Variants in NIBAN2 observed in about 807,000 individuals in gnomAD.
NIBAN2 encodes niban apoptosis regulator 2, also known as protein Niban 2.
In NIBAN2, 36 loss-of-function variants were observed where a neutral mutation model predicts 81.8. The ratio of observed to expected loss-of-function variants is 0.44; its 90% CI spans 0.34 to 0.58. The LOEUF (loss-of-function observed/expected upper bound fraction) is 0.58, where lower values mean the gene tolerates loss of function less well. Among genes scored for constraint, NIBAN2 ranks in the 20% least tolerant of loss-of-function variants. The probability of loss-of-function intolerance (pLI) is 0.02; values close to 1 mark genes in which losing one functional copy is unlikely to be tolerated. For missense variants in NIBAN2, 897 were observed against 1,014.1 expected (o/e 0.88, Z 1.57); for synonymous variants, 445 against 441.6 (o/e 1.01, Z -0.10).
intron 1 of NIBAN2, among the ~76,000 whole-genome samples, chr9:127,565,946 T>TCTCTCTCTCACACACACACA (rs751937125): frequency 1.1e-4 from 14 of 130,618 alleles, no homozygotes; most frequent in African/African-American, 4.5e-4. Flanking sequence ...TCTCTCTCTC[T>TCTCTCTCTCACACACACACA]CACACACACA....
intron 1 of NIBAN2, among the ~76,000 whole-genome samples, chr9:127,549,188 G>A (rs759709603): frequency 2.6e-5 from 4 of 152,126 alleles, no homozygotes; most frequent in East Asian, 3.9e-4. Context: ...GACTAAACTC[G>A]GATACACAAA....
At chr9:127,510,395 G>A in intron 8 of NIBAN2, 62 bp from the exon 9 acceptor site, 1 of 1,320,818 alleles carries the variant, frequency 7.6e-7, no homozygotes, top group South Asian at 1.4e-5. Flanking sequence ...AGCCATCCCA[G>A]AGCCCAGGTG....
intron 1 of NIBAN2, among the ~76,000 whole-genome samples, chr9:127,554,752 G>C (rs974881473): frequency 1.3e-5 from 2 of 151,104 alleles, no homozygotes; most frequent in Non-Finnish European, 3.0e-5. Flanking sequence ...GTAGAGACGG[G>C]GGGTGGGGGT....
At position 127,523,814 on chromosome 9, in the gene NIBAN2, G is replaced by C; in HGVS notation, c.454C>G (p.Leu152Val). The C allele has an allele frequency of 6.2e-7, 1 of 1,613,074 alleles. No individual in the cohort carries two copies. Among genetic ancestry groups the C allele is most frequent in the South Asian group, 1.1e-5 (1 of 91,066 alleles). ...AGCGGGAACTGTGTGGGGCACTTGAGGATGGGGGCACTGCCCGACTTTGCC... is the reference window on the plus strand; with the variant it reads ...AGCGGGAACTGTGTGGGGCACTTGACGATGGGGGCACTGCCCGACTTTGCC... ...TTAKSGSAPI[L>V]KCPTQFPLIL... The change falls in exon 5 of 14, where the codon CTC becomes GTC. Residue 152 changes from leucine (L) to valine (V), a missense_variant. Physicochemically the swap from Leu to Val is conservative, Grantham distance 32. This residue lies in a region of NIBAN2 where 209 missense variants were observed against 208.4 expected (regional missense o/e 1.00). Coordinates refer to ENST00000373312, the MANE Select transcript of NIBAN2 (RefSeq NM_022833.4).
chr9:127,551,721 A>C (rs1165385769), intron 1 of NIBAN2, among the ~76,000 whole-genome samples: 4 of 152,018 alleles, frequency 2.6e-5, no homozygotes, highest in Non-Finnish European at 5.9e-5. Flanking sequence ...ATCTTAAAAA[A>C]AAAAGAAAGA....
Position 127,527,194 on chromosome 9 carries a change from C to T in NIBAN2, c.315G>A (p.Ala105=), listed in dbSNP as rs372753355. 1,197 of 1,613,116 alleles carry T rather than the reference C, an allele frequency of 7.4e-4. 12 individuals carry two copies. The South Asian group carries it at 0.012, about 17-fold the overall frequency. Residue 105 remains alanine, a splice_region_variant and synonymous_variant, in exon 3 of 14, where the codon GCG becomes GCA. Transcript: ENST00000373312. ...NYGLVLYENK[A]AYERQVPPRA... is the part of the protein sequence containing the mutation. Reference sequence around the variant, plus strand: ...TGTGGCGCCCGGGGCCAGGCCTCACCGCTTTGTTTTCGTAGAGCACCAGCC... The same window carrying T: ...TGTGGCGCCCGGGGCCAGGCCTCACTGCTTTGTTTTCGTAGAGCACCAGCC...
intron 1 of NIBAN2, among the ~76,000 whole-genome samples, chr9:127,549,495 C>T (rs746852462): frequency 6.6e-5 from 10 of 152,186 alleles, no homozygotes; most frequent in Non-Finnish European, 1.2e-4. Flanking sequence ...ACTCACACAC[C>T]GTGCATCCAC....
rs1279097223 is a variant in NIBAN2 at position 127,536,109 on chromosome 9, C to A, written c.56-4331G>T. On this transcript the variant is annotated intron_variant, in intron 1 of 13. Transcript: ENST00000373312. The surrounding 1 kb of genome is among the most constrained non-coding windows in gnomAD (Gnocchi z 4.0). Reference sequence around the variant, plus strand: ...CGGATGGCTCCTTGGCAGGGGTAGCCCCGAGCACATTCTTGAGAGATGTCC... The same window carrying A: ...CGGATGGCTCCTTGGCAGGGGTAGCACCGAGCACATTCTTGAGAGATGTCC... Among the ~76,000 whole-genome samples the A allele has an allele frequency of 2.0e-5, 3 of 152,124 alleles. No homozygotes were observed. The highest frequency in any genetic ancestry group is 4.4e-5 in the Non-Finnish European group (3 of 68,036).
chr9:127,536,983 G>A lies in NIBAN2; in HGVS notation c.56-5205C>T, dbSNP rs887896507. ...TTCTGTGAGCTACAGAGAGGCTGGG[G>A]TGGGGTGGTGTGAAGGTGTGTGCCA... On this transcript the variant is annotated intron_variant, in intron 1 of 13. Transcript: ENST00000373312. The surrounding 1 kb of genome is among the most constrained non-coding windows in gnomAD (Gnocchi z 4.0). 1.3e-5 allele frequency among the ~76,000 whole-genome samples: 2 copies of A among 152,230 alleles called. No homozygotes were observed. Among genetic ancestry groups the A allele is most frequent in the African/African-American group, 4.8e-5 (2 of 41,460 alleles).
upstream of NIBAN2, among the ~76,000 whole-genome samples, chr9:127,572,241 T>G (rs1195835387): frequency 6.6e-6 from 1 of 152,164 alleles, no homozygotes; most frequent in Non-Finnish European, 1.5e-5. Context: ...CTCCAACTCC[T>G]GAGCTCAAGG....
rs1836709768 is a variant in NIBAN2, at chr9:127,510,269, G to A, written c.1038C>T (p.Ile346=). The change falls in exon 9 of 14, where the codon ATC becomes ATT. Residue 346 remains isoleucine, a synonymous_variant. Transcript: ENST00000373312. ...RNHVQPYIPS[I]LEALMVPTSQ... ...TGGTGGGGACCATCAGGGCCTCCAG[G>A]ATGGATGGGATGTAGGGCTGGACAT... 1 of 1,613,972 alleles carries A rather than the reference G, an allele frequency of 6.2e-7. No individual in the cohort carries two copies. Among genetic ancestry groups the A allele is most frequent in the Admixed American group, 1.7e-5 (1 of 60,004 alleles).
In NIBAN2 at chr9:127,531,719, C is replaced by T. The variant is rs1213272894; in HGVS notation, c.115G>A (p.Ala39Thr). 3.7e-6 allele frequency: 6 copies of T among 1,614,034 alleles called. No individual in the cohort carries two copies. The Admixed American group carries it at 1.0e-4, about 27-fold the overall frequency. Residue 39 changes from alanine (A) to threonine (T), a missense_variant, in exon 2 of 14, where the codon GCT becomes ACT. Around this residue, in one of 3 missense-constraint regions of NIBAN2, gnomAD observed 209 missense variants for 208.4 expected, o/e 1.00. Coordinates refer to ENST00000373312, the MANE Select transcript of NIBAN2 (RefSeq NM_022833.4). ...TCATGGCGCATGCTGTTGAAGAGAG[C>T]CACGCCATACTGGTCTTCATAGAAC... ...LQFYEDQYGV[A>T]LFNSMRHEIE...
chr9:127,546,817 G>A (rs1222548174), intron 1 of NIBAN2, among the ~76,000 whole-genome samples: 1 of 152,026 alleles, frequency 6.6e-6, no homozygotes, highest in Non-Finnish European at 1.5e-5. Context: ...GAGGGAGGCA[G>A]ATTGTCAACA....
intron 2 of NIBAN2, 71 bp downstream of exon 2, chr9:127,531,577 T>A (rs1026888906): frequency 4.0e-6 from 6 of 1,501,082 alleles, no homozygotes; most frequent in Non-Finnish European, 5.4e-6. Context: ...CCCAGAAAAG[T>A]AAGGTCACTC....
At chr9:127,509,357 G>C (rs1188202398) in intron 9 of NIBAN2, among the ~76,000 whole-genome samples, 1 of 152,164 alleles carries the variant, frequency 6.6e-6, no homozygotes, top group East Asian at 1.9e-4. Context: ...ACAGCGCTGT[G>C]GAGAGGCAGC....
At chr9:127,530,834 C>A (rs535943434) in intron 2 of NIBAN2, among the ~76,000 whole-genome samples, 1 of 152,140 alleles carries the variant, frequency 6.6e-6, no homozygotes, top group Non-Finnish European at 1.5e-5. Flanking sequence ...GAGTCACCCA[C>A]GGTGACTGAA....
Position 127,515,029 on chromosome 9 carries a change from T to C in NIBAN2, c.973+1828A>G, listed in dbSNP as rs117659379. 2.2e-3 allele frequency among the ~76,000 whole-genome samples: 334 copies of C among 152,082 alleles called. 3 individuals are homozygous for C. In the East Asian group the frequency reaches 0.043, roughly 19 times the overall value. On this transcript the variant is annotated intron_variant, in intron 8 of 13. Transcript: ENST00000373312. Reference sequence around the variant, plus strand: ...CTCTTTCAAAAATTTTTAAAAGAGATAGAGTTTTGCCCAGCCAAGACCCCT... The same window carrying C: ...CTCTTTCAAAAATTTTTAAAAGAGACAGAGTTTTGCCCAGCCAAGACCCCT...
intron 5 of NIBAN2, among the ~76,000 whole-genome samples, chr9:127,519,962 T>C (rs1836904778): frequency 2.6e-5 from 4 of 152,164 alleles, no homozygotes; most frequent in Admixed American, 2.6e-4. Context: ...AAGTCAGGTG[T>C]GCAGGGCAGG....
chr9:127,557,360 C>T (rs1439754378), intron 1 of NIBAN2, among the ~76,000 whole-genome samples: 2 of 152,190 alleles, frequency 1.3e-5, no homozygotes, highest in East Asian at 1.9e-4. Context: ...ATGGGGGAAA[C>T]TGAGGCTTGG....
Sources: allele counts gnomAD v4.1 joint callset (sites outside exome capture counted in the v4.1 genomes callset), GRCh38; gene constraint gnomAD v4.1.1; regional missense constraint gnomAD v4.1.1; non-coding constraint Gnocchi (gnomAD v3.1); transcripts MANE v1.5; gene names NCBI Gene and HGNC (gene_info 2026-07-23, HGNC 2026-07-21).